NOD1: variants seen among roughly 807,000 people sequenced by gnomAD.
The protein encoded by NOD1 is nucleotide-binding oligomerization domain-containing protein 1.
Under a neutral mutation model 81.2 loss-of-function variants are expected in NOD1, and 70 were observed. The observed-to-expected ratio is 0.86, with a 90% confidence interval of 0.71 to 1.05. The LOEUF (loss-of-function observed/expected upper bound fraction) is 1.05, where lower values mean the gene tolerates loss of function less well. Ranked by LOEUF, NOD1 falls within the 50% of genes least tolerant of loss-of-function variation. The pLI is 0.00. For synonymous variants in NOD1, 508 were observed against 526.9 expected (o/e 0.96, Z 0.49); for missense variants, 1,233 against 1,228.0 (o/e 1.00, Z -0.06).
chr7:30,448,611 T>G (rs1785366180), intron 6 of NOD1, among the ~76,000 whole-genome samples: 1 of 152,200 alleles, frequency 6.6e-6, no homozygotes. Flanking sequence ...GCACAGCCCC[T>G]GGCTCCTCAC....
chr7:30,462,999 A>G lies in NOD1; in HGVS notation c.-351-2958T>C, dbSNP rs143843310. Among the ~76,000 whole-genome samples the G allele has an allele frequency of 9.2e-5, 14 of 151,370 alleles. No homozygotes were observed. The East Asian group carries it at 2.7e-3, about 29-fold the overall frequency. ...GCATATGATTCTGAAAATCTGATCT[A>G]GAAATCAGATCAATGGTTTCCTGAG... On this transcript the variant is annotated intron_variant, in intron 1 of 13. Coordinates refer to ENST00000222823, the MANE Select transcript of NOD1 (RefSeq NM_006092.4).
rs5743360 is a variant in NOD1, at chr7:30,436,199, C to T, written c.2538-118G>A. On this transcript the variant is annotated intron_variant, in intron 10 of 13. Coordinates refer to ENST00000222823, the MANE Select transcript of NOD1 (RefSeq NM_006092.4). ...GCTGTGGCCCCAGCCCAGGCTCACT[C>T]GGGGCAGGATGCAGAAGTGTTCAGC... 3.4e-4 allele frequency: 260 copies of T among 769,024 alleles called. 5 individuals carry two copies. In the African/African-American group the frequency reaches 3.6e-3, roughly 11 times the overall value. The allele number at this position is 769,024 out of a possible 1,614,324, so 47.6% of individuals were successfully genotyped here.
chr7:30,456,215 T>C (rs1253170160), intron 4 of NOD1, among the ~76,000 whole-genome samples: 3 of 152,186 alleles, frequency 2.0e-5, no homozygotes, highest in East Asian at 1.9e-4. Flanking sequence ...CTCCATTTTA[T>C]TTTTCAGGAG....
At chr7:30,433,642 G>A (rs572264301) in intron 11 of NOD1, among the ~76,000 whole-genome samples, 11 of 152,298 alleles carry the variant, frequency 7.2e-5, no homozygotes, top group African/African-American at 2.6e-4. Context: ...GTTAACTTGT[G>A]AGGGACCCAA....
chr7:30,437,808 C>T (rs1784513197), intron 9 of NOD1, 152 bp from the exon 10 acceptor site: 2 of 567,324 alleles, frequency 3.5e-6, no homozygotes, highest in Non-Finnish European at 3.0e-6. Context: ...ACTAATTCCT[C>T]ACACTGGTCT....
intron 1 of NOD1, chr7:30,475,797 T>C (rs950659563): frequency 3.9e-5 from 6 of 152,234 alleles, no homozygotes; most frequent in Admixed American, 3.3e-4. Flanking sequence ...GAATGAACTT[T>C]CTAGCGTGGG....
chr7:30,431,522 G>A (rs1324788181), intron 12 of NOD1, among the ~76,000 whole-genome samples: 2 of 152,306 alleles, frequency 1.3e-5, no homozygotes, highest in East Asian at 1.9e-4. Context: ...TTTTGACAAG[G>A]GTGTCAAGGC....
At chr7:30,438,407 T>G (rs749186015) in intron 9 of NOD1, among the ~76,000 whole-genome samples, 6 of 152,228 alleles carry the variant, frequency 3.9e-5, no homozygotes, top group South Asian at 2.1e-4. Context: ...TGGGGATAAT[T>G]AGAGCATTCC....
In NOD1 at chr7:30,455,882, G is replaced by T. The variant is rs145549183; in HGVS notation, c.202-571C>A. ...CTCCCAAAGTGCTGGGATTACAGGC[G>T]TGAGCCACGGTGCCCAGCCTTCTCC... On this transcript the variant is annotated intron_variant, in intron 4 of 13. Transcript: ENST00000222823. Among the ~76,000 whole-genome samples the T allele has an allele frequency of 9.1e-4, 138 of 152,240 alleles. 1 individual carries two copies. The highest frequency in any genetic ancestry group is 3.1e-3 in the African/African-American group (130 of 41,544).
Position 30,425,299 on chromosome 7 carries a change from A to C in NOD1, c.*339T>G. 1 of 269,664 alleles carries C rather than the reference A, an allele frequency of 3.7e-6. No homozygotes were observed. Among genetic ancestry groups the C allele is most frequent in the Non-Finnish European group, 7.1e-6 (1 of 140,498 alleles). 16.7% of individuals were successfully genotyped at this position (269,664 alleles called of 1,614,324 possible). A position where few individuals can be genotyped will look rare whatever the true frequency, so the allele number is the denominator to read the frequency against. ...GTTGGTCCCTATGGCAGGTGTTGGAATGAGGTGAGGCTGGCCTCCTCTGTT... is the reference window on the plus strand; with the variant it reads ...GTTGGTCCCTATGGCAGGTGTTGGACTGAGGTGAGGCTGGCCTCCTCTGTT... On this transcript the variant is annotated 3_prime_UTR_variant, in exon 14 of 14. Transcript: ENST00000222823.
chr7:30,437,154 C>T (rs1394446529), intron 10 of NOD1, among the ~76,000 whole-genome samples: 1 of 151,798 alleles, frequency 6.6e-6, no homozygotes, highest in Middle Eastern at 3.4e-3. Context: ...TGTTCTCACT[C>T]GTAAGTGGGA....
chr7:30,432,249 C>T lies in NOD1; in HGVS notation c.2705+847G>A, dbSNP rs542596053. On this transcript the variant is annotated intron_variant, in intron 12 of 13. Transcript: ENST00000222823. Reference sequence around the variant, plus strand: ...CAGAATATATAGAGAACCCCTATAACTCAGCATTAGAAGACAAACCCAATT... The same window carrying T: ...CAGAATATATAGAGAACCCCTATAATTCAGCATTAGAAGACAAACCCAATT... Among the ~76,000 whole-genome samples, 5 of 152,282 alleles carry T rather than the reference C, an allele frequency of 3.3e-5. No homozygotes were observed. In the South Asian group the frequency reaches 1.0e-3, roughly 32 times the overall value.
At chr7:30,466,683 A>G (rs1315574207) in intron 1 of NOD1, among the ~76,000 whole-genome samples, 2 of 152,104 alleles carry the variant, frequency 1.3e-5, no homozygotes, top group Non-Finnish European at 2.9e-5. Flanking sequence ...AATAAACAAA[A>G]CAAAAAACCT....
intron 1 of NOD1, among the ~76,000 whole-genome samples, chr7:30,476,975 C>T (rs73687877): frequency 0.012 from 1,834 of 152,332 alleles, 39 homozygotes; most frequent in African/African-American, 0.042. Flanking sequence ...CACCTGCCAG[C>T]GCCACCACCT....
chr7:30,431,251 A>T (rs999414319), intron 12 of NOD1, among the ~76,000 whole-genome samples: 2 of 152,250 alleles, frequency 1.3e-5, no homozygotes, highest in Non-Finnish European at 2.9e-5. Flanking sequence ...CAGGCTAAAA[A>T]GGAAAGAAAA....
In NOD1 at chr7:30,452,666, G is replaced by A; in HGVS notation, c.751C>T (p.Gln251Ter). The part of the protein sequence containing the change: ...CFKESDRLCL[Q>*]DLLFKHYCYP... ...CAGTAGTGCTTGAAGAGCAGGTCCT[G>A]CAGACACAGCCTGTCACTTTCCTTG... is the stretch of plus-strand genomic sequence containing the variant. Residue 251 changes from glutamine to a stop codon, truncating the protein, a stop_gained, in exon 6 of 14, where the codon CAG (glutamine) becomes TAG (stop). Coordinates refer to ENST00000222823, the MANE Select transcript of NOD1 (RefSeq NM_006092.4). LOFTEE classifies it high-confidence loss of function. 1 of 1,613,830 alleles carries A rather than the reference G, an allele frequency of 6.2e-7. No homozygotes were observed. Among genetic ancestry groups the A allele is most frequent in the East Asian group, 2.2e-5 (1 of 44,890 alleles).
At chr7:30,455,094 TG>T in intron 5 of NOD1, 42 bp downstream of exon 5, 2 of 1,598,192 alleles carry the variant, frequency 1.3e-6, no homozygotes, top group South Asian at 2.2e-5. Flanking sequence ...CCCAGGGCCC[TG>T]CTTGCACTGG....
rs111368419 is a variant in NOD1 at position 30,456,702 on chromosome 7, G to T, written c.201+19C>A. 2 of 1,610,900 alleles carry T rather than the reference G, an allele frequency of 1.2e-6. No homozygotes were observed. The highest frequency in any genetic ancestry group is 2.2e-5 in the South Asian group (2 of 90,966). On this transcript the variant is annotated intron_variant, in intron 4 of 13. Transcript: ENST00000222823. ...CCGGGGTCCACACAATGCCATGCCCGTCCCTGTCCCCGGGGCACCTTGTCA... is the reference window on the plus strand; with the variant it reads ...CCGGGGTCCACACAATGCCATGCCCTTCCCTGTCCCCGGGGCACCTTGTCA...
At chr7:30,462,300 T>C (rs564547559) in intron 1 of NOD1, among the ~76,000 whole-genome samples, 2 of 152,346 alleles carry the variant, frequency 1.3e-5, no homozygotes, top group South Asian at 4.1e-4. Flanking sequence ...GGTGGAAATG[T>C]AAATCTGTGG....
Sources: gnomAD v4.1 joint callset for allele counts (sites outside exome capture counted in the v4.1 genomes callset) on GRCh38, gnomAD v4.1.1 for gene constraint, MANE v1.5 for transcripts, NCBI Gene and HGNC (gene_info 2026-07-23, HGNC 2026-07-21) for gene names.